TET3: variants seen among roughly 807,000 people sequenced by gnomAD.
TET3 encodes methylcytosine dioxygenase TET3.
Under a neutral mutation model 141.4 loss-of-function variants are expected in TET3, and 19 were observed. That is an observed-to-expected ratio of 0.13 (90% CI 0.09 to 0.20). The LOEUF is 0.20. Among genes scored for constraint, TET3 ranks in the 10% least tolerant of loss-of-function variants. The pLI is 1.00. For synonymous variants in TET3, 1,043 were observed against 980.9 expected, an observed-to-expected ratio of 1.06 and a Z score of -1.18; for missense variants, 1,874 against 2,356.9, an observed-to-expected ratio of 0.80 and a Z score of 4.24.
intron 3 of TET3, among the ~76,000 whole-genome samples, chr2:74,009,638 A>G (rs964124677): frequency 6.6e-6 from 1 of 152,158 alleles, no homozygotes. Context: ...TGTCCTCTCC[A>G]TCCTAGGACA....
At chr2:74,002,869 G>A in intron 2 of TET3, 1 of 566,634 alleles carries the variant, frequency 1.8e-6, no homozygotes, top group Non-Finnish European at 3.2e-6. Flanking sequence ...CTCGGATCTC[G>A]GGGGGATTCT....
At chr2:74,064,750 A>C (rs1199304028) in intron 4 of TET3, among the ~76,000 whole-genome samples, 2 of 152,216 alleles carry the variant, frequency 1.3e-5, no homozygotes, top group Non-Finnish European at 2.9e-5. Flanking sequence ...GATTTGTAAA[A>C]AATTTGAAAA....
intron 2 of TET3, among the ~76,000 whole-genome samples, chr2:73,995,508 A>C (rs1231605583): frequency 6.6e-6 from 1 of 152,158 alleles, no homozygotes; most frequent in Non-Finnish European, 1.5e-5. Context: ...CCCCAGATTT[A>C]AGAAGCGTGC....
chr2:74,004,122 G>A lies in TET3; in HGVS notation c.360+956G>A, dbSNP rs193059038. On this transcript the variant is annotated intron_variant, in intron 3 of 11. Transcript: ENST00000409262. ...GTCCAAGAGCAGAGAGGCTGGAAGG[G>A]AGCATGGGGCAGGTGGGCAGGGTCA... Among the ~76,000 whole-genome samples, 1,381 of 152,242 alleles carry A rather than the reference G, an allele frequency of 9.1e-3. 11 individuals are homozygous for A. The highest frequency in any genetic ancestry group is 0.034 in the Middle Eastern group (10 of 294).
In TET3 at chr2:74,093,123, T is replaced by C; in HGVS notation, c.3129+132T>C. 1.2e-6 allele frequency: 1 copy of C among 840,274 alleles called. No homozygotes were observed. The highest frequency in any genetic ancestry group is 1.9e-6 in the Non-Finnish European group (1 of 533,532). The allele number at this position is 840,274 out of a possible 1,614,324, so 52.1% of individuals were successfully genotyped here. On this transcript the variant is annotated intron_variant, in intron 9 of 11. Coordinates refer to ENST00000409262, the MANE Select transcript of TET3 (RefSeq NM_001287491.2). The surrounding 1 kb of genome is among the most constrained non-coding windows in gnomAD (Gnocchi z 4.2). ...AGAGCCTAGTCCAGAAGTAAAGCGA[T>C]ATGATGTGGTTCTTTGATAAAAACC...
In TET3 at chr2:74,087,847, G is replaced by C; in HGVS notation, c.2697G>C (p.Thr899=). ...CCCTGCAGGTGATCCGCAGGCACAC[G>C]CTGGAGGAGAAGCTACTCTGCCTGG... ...PIAKWVIRRH[T]LEEKLLCLVR... is the part of the protein sequence containing the mutation. Residue 899 remains threonine, a synonymous_variant, in exon 7 of 12, where the codon ACG becomes ACC. Coordinates refer to ENST00000409262, the MANE Select transcript of TET3 (RefSeq NM_001287491.2). This position sits in a 1 kb window ranked among gnomAD's most constrained non-coding sequence, Gnocchi z 4.3. 1.3e-6 allele frequency: 2 copies of C among 1,550,956 alleles called. No individual in the cohort carries two copies. The highest frequency in any genetic ancestry group is 8.7e-7 in the Non-Finnish European group (1 of 1,146,566).
the TET3 span, among the ~76,000 whole-genome samples, chr2:74,115,606 AAAAG>A: frequency 1.3e-5 from 2 of 152,232 alleles, no homozygotes; most frequent in African/African-American, 2.4e-5. Flanking sequence ...TAGAGCTAAA[AAAAG>A]AAAGAGGCCT....
rs374445554 is a variant in TET3, at chr2:74,015,647, T to C, written c.360+12481T>C. 9.2e-5 allele frequency among the ~76,000 whole-genome samples: 14 copies of C among 152,346 alleles called. No homozygotes were observed. The East Asian group carries it at 2.7e-3, about 29-fold the overall frequency. On this transcript the variant is annotated intron_variant, in intron 3 of 11. Coordinates refer to ENST00000409262, the MANE Select transcript of TET3 (RefSeq NM_001287491.2). The stretch of plus-strand genomic sequence containing the variant: ...CTTCTTATTGATGGACATTTACAGT[T>C]CTAATTTTTTTGCAATTATAAATGT...
At chr2:74,118,209 A>G in the TET3 span, among the ~76,000 whole-genome samples, 41,034 of 152,184 alleles carry the variant, frequency 0.27, 6,421 homozygotes, top group African/African-American at 0.41. Flanking sequence ...TGTGTTTAGC[A>G]CAACGCTGTA....
At position 74,003,178 on chromosome 2, in the gene TET3, G is replaced by A. The variant is rs1172268178; in HGVS notation, c.360+12G>A. 3.2e-6 allele frequency: 5 copies of A among 1,546,800 alleles called. No homozygotes were observed. The highest frequency in any genetic ancestry group is 2.4e-5 in the East Asian group (1 of 40,926). On this transcript the variant is annotated intron_variant, in intron 3 of 11. Coordinates refer to ENST00000409262, the MANE Select transcript of TET3 (RefSeq NM_001287491.2). The stretch of plus-strand genomic sequence containing the variant: ...GAGCGGCTGTCAAGGTACCTTGTGT[G>A]TGTGCGTGCGTGTGTGTGCGTGTGT...
intron 5 of TET3, 38 bp downstream of exon 5, chr2:74,073,677 G>T: frequency 6.6e-7 from 1 of 1,509,572 alleles, no homozygotes; most frequent in Non-Finnish European, 9.1e-7. Flanking sequence ...AAATGGATGT[G>T]CTGTTAATGG....
intron 2 of TET3, among the ~76,000 whole-genome samples, chr2:73,986,951 C>T (rs1005211142): frequency 6.6e-6 from 1 of 152,142 alleles, no homozygotes; most frequent in Non-Finnish European, 1.5e-5. Flanking sequence ...GCATTTGAGG[C>T]GGGACTGTGA....
In TET3 at chr2:74,099,237, C is replaced by G. The variant is rs1008439880; in HGVS notation, c.3268-39C>G. On this transcript the variant is annotated intron_variant, in intron 10 of 11. Coordinates refer to ENST00000409262, the MANE Select transcript of TET3 (RefSeq NM_001287491.2). Reference sequence around the variant, plus strand: ...ACCCCTCTCTCCCAGCACTCGGTCCCCCAACCCCATGTCCTCTCTCCCCCA... The same window carrying G: ...ACCCCTCTCTCCCAGCACTCGGTCCGCCAACCCCATGTCCTCTCTCCCCCA... 7.9e-6 allele frequency: 12 copies of G among 1,521,588 alleles called. No homozygotes were observed. The African/African-American group carries it at 1.5e-4, about 19-fold the overall frequency. The allele number at this position is 1,521,588 out of a possible 1,614,324, so 94.3% of individuals were successfully genotyped here.
intron 8 of TET3, among the ~76,000 whole-genome samples, 187 bp downstream of exon 8, chr2:74,090,234 A>G (rs1328923308): frequency 1.3e-5 from 2 of 152,208 alleles, no homozygotes; most frequent in Non-Finnish European, 1.5e-5. Context: ...ACCAAGTGTG[A>G]AAAATTAGAC....
intron 2 of TET3, among the ~76,000 whole-genome samples, chr2:73,996,709 T>C (rs953530352): frequency 6.6e-6 from 1 of 152,210 alleles, no homozygotes; most frequent in African/African-American, 2.4e-5. Flanking sequence ...GGTTTCGCCA[T>C]GTTGGCCAGG....
At position 74,047,448 on chromosome 2, in the gene TET3, G is replaced by A. The variant is rs1196454120; in HGVS notation, c.1531G>A (p.Ala511Thr). The A allele has an allele frequency of 6.2e-7, 1 of 1,612,474 alleles. No individual in the cohort carries two copies. The highest frequency in any genetic ancestry group is 8.5e-7 in the Non-Finnish European group (1 of 1,179,788). ...PAPSPVLQRE[A>T]PTPSSEPDTH... ...CCCATCCCCTGTACTTCAGAGGGAG[G>A]CTCCCACGCCATCCTCGGAGCCCGA... The change falls in exon 4 of 12, where the codon GCT (alanine) becomes ACT (threonine). Residue 511 changes from alanine (A) to threonine (T), a missense_variant. Coordinates refer to ENST00000409262, the MANE Select transcript of TET3 (RefSeq NM_001287491.2).
rs1020682958 is a variant in TET3 at position 74,062,102 on chromosome 2, G to T, written c.2495-11447G>T. Among the ~76,000 whole-genome samples, 7 of 152,078 alleles carry T rather than the reference G, an allele frequency of 4.6e-5. No homozygotes were observed. The East Asian group carries it at 7.7e-4, about 17-fold the overall frequency. ...AGGTGGAGGTTGTAGCGAGCCGAGAGCACGCCACTGCACTCCAGCCTGGGC... is the reference window on the plus strand; with the variant it reads ...AGGTGGAGGTTGTAGCGAGCCGAGATCACGCCACTGCACTCCAGCCTGGGC... On this transcript the variant is annotated intron_variant, in intron 4 of 11. Transcript: ENST00000409262.
rs1690384923 is a variant in TET3 at position 74,090,007 on chromosome 2, C to T, written c.2999C>T (p.Thr1000Ile). 1 of 1,614,054 alleles carries T rather than the reference C, an allele frequency of 6.2e-7. No individual in the cohort carries two copies. ...GGCTGCAAGTATGCTCGGAGCAAGACACCTCGCAAGTTCCGCCTCGCAGGG... is the reference window on the plus strand; with the variant it reads ...GGCTGCAAGTATGCTCGGAGCAAGATACCTCGCAAGTTCCGCCTCGCAGGG... ...FNGCKYARSK[T>I]PRKFRLAGDN... The change falls in exon 8 of 12, where the codon ACA becomes ATA. Residue 1000 changes from threonine (T) to isoleucine (I), a missense_variant. Transcript: ENST00000409262.
chr2:74,109,202 G>A (rs1050844932), downstream of TET3, among the ~76,000 whole-genome samples: 5 of 152,116 alleles, frequency 3.3e-5, no homozygotes, highest in African/African-American at 1.2e-4. Context: ...AGCTGGGGCT[G>A]GTTTCACTAT....
Sources: gnomAD v4.1 joint callset for allele counts (sites outside exome capture counted in the v4.1 genomes callset) on GRCh38, gnomAD v4.1.1 for gene constraint, Gnocchi (gnomAD v3.1) non-coding constraint, MANE v1.5 for transcripts, NCBI Gene and HGNC (gene_info 2026-07-23, HGNC 2026-07-21) for gene names.